KIAA1958: variants seen among roughly 807,000 people sequenced by gnomAD.
KIAA1958 encodes the protein KIAA1958.
Under a neutral mutation model 47.2 loss-of-function variants are expected in KIAA1958, and 14 were observed. The ratio of observed to expected loss-of-function variants is 0.30; its 90% CI spans 0.20 to 0.46. KIAA1958 has a LOEUF of 0.46. Among genes scored for constraint, KIAA1958 ranks in the 20% least tolerant of loss-of-function variants. The pLI, the probability that KIAA1958 is intolerant of heterozygous loss-of-function variation, is 1.00. For synonymous variants in KIAA1958, 354 were observed against 353.3 expected (o/e 1.00, Z -0.02); for missense variants, 803 against 909.2 (o/e 0.88, Z 1.50).
intron 1 of KIAA1958, among the ~76,000 whole-genome samples, chr9:112,511,964 TCTCA>T (rs1307767706): frequency 1.3e-5 from 2 of 152,154 alleles, no homozygotes; most frequent in Non-Finnish European, 2.9e-5. Flanking sequence ...AACCACCTAA[TCTCA>T]CTCAGGAAGA....
chr9:112,541,926 G>A (rs1834951956), intron 1 of KIAA1958, among the ~76,000 whole-genome samples: 1 of 152,208 alleles, frequency 6.6e-6, no homozygotes, highest in Non-Finnish European at 1.5e-5. Flanking sequence ...GGGCCGATGT[G>A]TGTTGGAGAT....
intron 2 of KIAA1958, among the ~76,000 whole-genome samples, chr9:112,593,903 C>T (rs968410640): frequency 2.0e-5 from 3 of 151,710 alleles, no homozygotes; most frequent in Admixed American, 1.3e-4. Flanking sequence ...CTTGCTCTGT[C>T]ACCCAGGCTG....
intron 3 of KIAA1958, among the ~76,000 whole-genome samples, chr9:112,655,565 C>T (rs1837136390): frequency 6.6e-6 from 1 of 152,198 alleles, no homozygotes; most frequent in South Asian, 2.1e-4. Flanking sequence ...ACTTGCAAAG[C>T]CAGTAACAAA....
At chr9:112,657,790 T>C (rs1837176231) in intron 3 of KIAA1958, among the ~76,000 whole-genome samples, 1 of 152,124 alleles carries the variant, frequency 6.6e-6, no homozygotes, top group African/African-American at 2.4e-5. Context: ...AGCTCTTCCT[T>C]CTCTTCCACC....
At chr9:112,619,454 T>A (rs1836462331) in intron 2 of KIAA1958, among the ~76,000 whole-genome samples, 1 of 152,240 alleles carries the variant, frequency 6.6e-6, no homozygotes, top group African/African-American at 2.4e-5. Context: ...CATCAAATTA[T>A]TTACATCTTC....
intron 2 of KIAA1958, among the ~76,000 whole-genome samples, chr9:112,639,288 C>T (rs1836857476): frequency 6.6e-6 from 1 of 152,174 alleles, no homozygotes; most frequent in African/African-American, 2.4e-5. Context: ...CACTCAGACT[C>T]CAACACCCAA....
chr9:112,584,829 C>T (rs118180558), intron 2 of KIAA1958, among the ~76,000 whole-genome samples: 2 of 152,294 alleles, frequency 1.3e-5, no homozygotes, highest in Non-Finnish European at 2.9e-5. Context: ...ACCTGGCCCC[C>T]TCCTTGTGAA....
At chr9:112,545,917 A>G (rs886639369) in intron 1 of KIAA1958, among the ~76,000 whole-genome samples, 4 of 142,056 alleles carry the variant, frequency 2.8e-5, no homozygotes, top group African/African-American at 1.0e-4. Context: ...TTATTGATGT[A>G]TGAAATACAT....
intron 2 of KIAA1958, among the ~76,000 whole-genome samples, chr9:112,629,404 A>G (rs1259869948): frequency 1.3e-5 from 2 of 152,216 alleles, no homozygotes; most frequent in South Asian, 2.1e-4. Context: ...CACTCAAATC[A>G]TATTTTACAA....
At chr9:112,558,337 T>A (rs543348168) in intron 1 of KIAA1958, among the ~76,000 whole-genome samples, 77 of 116,792 alleles carry the variant, frequency 6.6e-4, no homozygotes, top group African/African-American at 2.6e-3. Context: ...TGGTGTAGTA[T>A]TAATTGTAAA....
Position 112,659,742 on chromosome 9 carries a change from C to T in KIAA1958, c.1824C>T (p.Gly608=). 1 of 1,614,204 alleles carries T rather than the reference C, an allele frequency of 6.2e-7. No individual in the cohort carries two copies. Among genetic ancestry groups the T allele is most frequent in the Non-Finnish European group, 8.5e-7 (1 of 1,180,038 alleles). ...TDSVKRESRS[G]STRVCHGKIY... ...GCGTCAAGCGGGAGAGTCGGAGCGG[C>T]TCCACCAGAGTGTGTCACGGGAAGA... is the stretch of plus-strand genomic sequence containing the variant. Residue 608 remains glycine, a synonymous_variant, in exon 4 of 4, where the codon GGC becomes GGT. Transcript: ENST00000337530.
chr9:112,500,942 C>T (rs1328600293), intron 1 of KIAA1958, among the ~76,000 whole-genome samples: 2 of 148,904 alleles, frequency 1.3e-5, no homozygotes, highest in East Asian at 3.9e-4. Flanking sequence ...AGACCCCCAT[C>T]GCTACAAAAA....
In KIAA1958 at chr9:112,618,579, G is replaced by A; in HGVS notation, c.1172-27071G>A. ...GACTATAAGGAGTATGCCCAGCGGCGGCCTCCCGCCATGCGCTACGAGGAT... is the reference window on the plus strand; with the variant it reads ...GACTATAAGGAGTATGCCCAGCGGCAGCCTCCCGCCATGCGCTACGAGGAT... On this transcript the variant is annotated intron_variant, in intron 2 of 3. Transcript: ENST00000337530. This position sits in a 1 kb window ranked among gnomAD's most constrained non-coding sequence, Gnocchi z 7.1. 5 of 1,550,602 alleles carry A rather than the reference G, an allele frequency of 3.2e-6. No individual in the cohort carries two copies. Among genetic ancestry groups the A allele is most frequent in the South Asian group, 1.2e-5 (1 of 84,062 alleles).
At chr9:112,507,770 CTT>C (rs764456036) in intron 1 of KIAA1958, among the ~76,000 whole-genome samples, 102 of 150,772 alleles carry the variant, frequency 6.8e-4, no homozygotes, top group East Asian at 4.6e-3. Flanking sequence ...CTCTCTCTCT[CTT>C]TCTTTCTTTC....
chr9:112,567,050 T>C (rs1218438911), intron 1 of KIAA1958, among the ~76,000 whole-genome samples: 1 of 152,166 alleles, frequency 6.6e-6, no homozygotes, highest in African/African-American at 2.4e-5. Context: ...AAGAATTTAT[T>C]TGTGGAATCT....
intron 2 of KIAA1958, among the ~76,000 whole-genome samples, chr9:112,589,832 A>G (rs1411468792): frequency 6.6e-6 from 1 of 152,070 alleles, no homozygotes; most frequent in Non-Finnish European, 1.5e-5. Context: ...GATAGGTACC[A>G]TTTCCTTAGC....
chr9:112,609,724 A>G (rs1325149077), intron 2 of KIAA1958, among the ~76,000 whole-genome samples: 1 of 151,904 alleles, frequency 6.6e-6, no homozygotes, highest in Non-Finnish European at 1.5e-5. Context: ...GCGAATTTTT[A>G]AATTTTTGGT....
chr9:112,575,260 C>A lies in KIAA1958; in HGVS notation c.1171+9C>A, dbSNP rs947458775. 2.0e-6 allele frequency: 3 copies of A among 1,500,946 alleles called. No individual in the cohort carries two copies. Among genetic ancestry groups the A allele is most frequent in the Non-Finnish European group, 2.7e-6 (3 of 1,128,416 alleles). The allele number at this position is 1,500,946 out of a possible 1,614,324, so 93.0% of individuals were successfully genotyped here. On this transcript the variant is annotated intron_variant, in intron 2 of 3. Transcript: ENST00000337530. ...AGCACAGTGCATACCAGGTATGGCA[C>A]ATGAGGCGACAGTGAGTCCCTCATC...
At chr9:112,631,739 C>G (rs942494875) in intron 2 of KIAA1958, among the ~76,000 whole-genome samples, 1 of 152,068 alleles carries the variant, frequency 6.6e-6, no homozygotes, top group African/African-American at 2.4e-5. Flanking sequence ...GGACTGCTTC[C>G]TTACAAAAAT....
Sources: allele counts gnomAD v4.1 joint callset (sites outside exome capture counted in the v4.1 genomes callset), GRCh38; gene constraint gnomAD v4.1.1; non-coding constraint Gnocchi (gnomAD v3.1); transcripts MANE v1.5; gene names NCBI Gene and HGNC (gene_info 2026-07-23, HGNC 2026-07-21).